The following FOLH1 variants were observed in gnomAD, a reference collection of about 807,000 sequenced individuals.
The protein encoded by FOLH1 is folate hydrolase 1.
Under a neutral mutation model 93.9 loss-of-function variants are expected in FOLH1, and 54 were observed. The ratio of observed to expected loss-of-function variants is 0.57; its 90% CI spans 0.46 to 0.72. FOLH1 has a LOEUF of 0.72. Ranked by LOEUF, FOLH1 falls within the 30% of genes least tolerant of loss-of-function variation. FOLH1 has a pLI of 0.00. For missense variants in FOLH1, 571 were observed against 892.5 expected, an observed-to-expected ratio of 0.64 and a Z score of 4.59; for synonymous variants, 249 against 303.6, an observed-to-expected ratio of 0.82 and a Z score of 1.87.
At chr11:49,175,031 C>T in intron 8 of FOLH1, 54 bp from the exon 9 acceptor site, 1 of 1,523,926 alleles carries the variant, frequency 6.6e-7, no homozygotes, top group Non-Finnish European at 9.0e-7. Context: ...AACAGATTAA[C>T]ACTATAAGGT....
intron 4 of FOLH1, among the ~76,000 whole-genome samples, chr11:49,191,488 G>A (rs1330431859): frequency 7.9e-5 from 12 of 152,276 alleles, no homozygotes; most frequent in Admixed American, 5.2e-4. Context: ...CATTGATCTG[G>A]AAGATTTTAA....
chr11:49,175,133 T>C (rs996755782), intron 8 of FOLH1, among the ~76,000 whole-genome samples, 156 bp from the exon 9 acceptor site: 3 of 152,216 alleles, frequency 2.0e-5, no homozygotes, highest in Non-Finnish European at 4.4e-5. Context: ...ACAAACTTAC[T>C]AACACACCAG....
chr11:49,163,861 C>A (rs1028602556), intron 13 of FOLH1, among the ~76,000 whole-genome samples: 8 of 151,976 alleles, frequency 5.3e-5, no homozygotes, highest in African/African-American at 1.9e-4. Context: ...CTGACCTAAG[C>A]GTTGCAAAGA....
At position 49,185,503 on chromosome 11, in the gene FOLH1, G is replaced by A. The variant is rs1861259509; in HGVS notation, c.826+166C>T. On this transcript the variant is annotated intron_variant, in intron 6 of 18. Coordinates refer to ENST00000256999, the MANE Select transcript of FOLH1 (RefSeq NM_004476.3). ...ACCAGGCCCAAGTTTCAAAATAAGG[G>A]GGTAAGGGGCCTGAACCAATCACTT... is the stretch of plus-strand genomic sequence containing the variant. 1.6e-5 allele frequency: 14 copies of A among 885,132 alleles called. No homozygotes were observed. The South Asian group carries it at 2.3e-4, about 15-fold the overall frequency. The allele number at this position is 885,132 out of a possible 1,614,324, so 54.8% of individuals were successfully genotyped here.
intron 13 of FOLH1, among the ~76,000 whole-genome samples, chr11:49,159,672 C>T (rs1325401798): frequency 1.3e-5 from 2 of 152,036 alleles, no homozygotes; most frequent in Admixed American, 6.5e-5. Context: ...GTCTCTCCTC[C>T]TAATTATTTG....
At chr11:49,185,454 G>C in intron 6 of FOLH1, 1 of 589,684 alleles carries the variant, frequency 1.7e-6, no homozygotes, top group South Asian at 2.2e-5. Flanking sequence ...TTAAATAGCT[G>C]AATAAGTCTG....
intron 13 of FOLH1, among the ~76,000 whole-genome samples, chr11:49,161,380 T>G (rs1360428069): frequency 6.6e-6 from 1 of 152,212 alleles, no homozygotes; most frequent in African/African-American, 2.4e-5. Context: ...CGTTACGTGA[T>G]GCCCTTCTTT....
chr11:49,185,840 G>T lies in FOLH1; in HGVS notation c.655C>A (p.Leu219Met), dbSNP rs146923992. 26 of 1,545,196 alleles carry T rather than the reference G, an allele frequency of 1.7e-5. No homozygotes were observed. The highest frequency in any genetic ancestry group is 7.0e-5 in the African/African-American group (5 of 71,404). The change falls in exon 6 of 19, where the codon CTG (leucine) becomes ATG (methionine). Residue 219 changes from leucine (L) to methionine (M), a missense_variant. Physicochemically the swap from Leu to Met is conservative, Grantham distance 15. Transcript: ENST00000256999. ...AGAATGACTCCTTTGGCCCCTGCCA[G>T]CTGGGCATTTTTAACCTAGAAAACA... ...FRGNKVKNAQLAGAKGVILYS... is the reference protein window; with the variant it reads ...FRGNKVKNAQMAGAKGVILYS...
intron 2 of FOLH1, 108 bp from the exon 3 acceptor site, chr11:49,200,549 G>A (rs1011561837): frequency 1.2e-5 from 14 of 1,204,724 alleles, no homozygotes; most frequent in African/African-American, 6.2e-5. Flanking sequence ...AGTGTGATAC[G>A]TTAAAAAATT....
intron 15 of FOLH1, 118 bp from the exon 16 acceptor site, chr11:49,154,610 A>G (rs1277999238): frequency 6.7e-7 from 1 of 1,482,366 alleles, no homozygotes; most frequent in Admixed American, 2.4e-5. Flanking sequence ...AAAGTACTTA[A>G]GCATCTCAAT....
At chr11:49,188,038 C>A (rs1287466164) in intron 4 of FOLH1, among the ~76,000 whole-genome samples, 3 of 152,234 alleles carry the variant, frequency 2.0e-5, no homozygotes, top group Non-Finnish European at 4.4e-5. Context: ...AGAGAACACT[C>A]CACAATTATC....
rs557247629 is a variant in FOLH1, at chr11:49,161,717, T to A, written c.1440+2988A>T. ...AGACTTATGTGATTGCTTTATAGTA[T>A]CACTGGTCTGTGTACTTCAGTGTGT... On this transcript the variant is annotated intron_variant, in intron 13 of 18. Coordinates refer to ENST00000256999, the MANE Select transcript of FOLH1 (RefSeq NM_004476.3). Among the ~76,000 whole-genome samples, 36 of 152,334 alleles carry A rather than the reference T, an allele frequency of 2.4e-4. 1 individual carries two copies. The South Asian group carries it at 7.5e-3, about 32-fold the overall frequency.
rs549684012 is a variant in FOLH1 at position 49,172,549 on chromosome 11, T to A, written c.1225+808A>T. ...TGAGAAGATAAGTAAATATGTCTTC[T>A]CCCTAGTTGCTATGACTTCAAAGAA... On this transcript the variant is annotated intron_variant, in intron 10 of 18. Transcript: ENST00000256999. Among the ~76,000 whole-genome samples, 156 of 152,178 alleles carry A rather than the reference T, an allele frequency of 1.0e-3. 1 individual carries two copies. The highest frequency in any genetic ancestry group is 3.7e-3 in the African/African-American group (152 of 41,538).
Position 49,183,198 on chromosome 11 carries a change from T to C in FOLH1, c.871A>G (p.Ser291Gly), listed in dbSNP as rs746148342. The C allele has an allele frequency of 3.1e-6, 5 of 1,613,232 alleles. No individual in the cohort carries two copies. The highest frequency in any genetic ancestry group is 4.2e-6 in the Non-Finnish European group (5 of 1,179,510). The change falls in exon 7 of 19, where the codon AGT (serine) becomes GGT (glycine). Residue 291 changes from serine (S) to glycine (G), a missense_variant. Ser to Gly is a moderately conservative substitution (Grantham distance 56, BLOSUM62 0). Coordinates refer to ENST00000256999, the MANE Select transcript of FOLH1 (RefSeq NM_004476.3). ...RGIAEAVGLP[S>G]IPVHPIGYYD... is the part of the protein sequence containing the mutation. ...TATCCAATTGGATGAACAGGAATAC[T>C]TGGAAGACCAACAGCCTCTGCAATT...
intron 2 of FOLH1, among the ~76,000 whole-genome samples, chr11:49,202,647 C>T (rs1863404425): frequency 6.6e-6 from 1 of 152,232 alleles, no homozygotes; most frequent in African/African-American, 2.4e-5. Flanking sequence ...TGCCCGAATA[C>T]ATTATCTCAG....
chr11:49,204,895 G>A (rs1863705433), intron 2 of FOLH1, among the ~76,000 whole-genome samples: 1 of 152,016 alleles, frequency 6.6e-6, no homozygotes, highest in Non-Finnish European at 1.5e-5. Flanking sequence ...ATTCACAAAA[G>A]GATCTCATGC....
At chr11:49,187,756 A>ACAAT (rs2135216550) in intron 4 of FOLH1, among the ~76,000 whole-genome samples, 1 of 152,364 alleles carries the variant, frequency 6.6e-6, no homozygotes, top group African/African-American at 2.4e-5. Context: ...CTCTCTGCAG[A>ACAAT]CAATCTTCAT....
chr11:49,177,849 G>A (rs1284641992), intron 7 of FOLH1, among the ~76,000 whole-genome samples: 1 of 150,280 alleles, frequency 6.7e-6, no homozygotes, highest in Non-Finnish European at 1.5e-5. Context: ...TGTAATCCCA[G>A]CTATTTGGGA....
At chr11:49,179,260 A>T (rs1860455212) in intron 7 of FOLH1, among the ~76,000 whole-genome samples, 1 of 152,226 alleles carries the variant, frequency 6.6e-6, no homozygotes, top group African/African-American at 2.4e-5. Context: ...AATGACTAAG[A>T]TTCCTTGAGA....
Sources: allele counts gnomAD v4.1 joint callset (sites outside exome capture counted in the v4.1 genomes callset), GRCh38; gene constraint gnomAD v4.1.1; transcripts MANE v1.5; gene names NCBI Gene and HGNC (gene_info 2026-07-23, HGNC 2026-07-21).